POT1: variants seen among roughly 807,000 people sequenced by gnomAD.
The protein encoded by POT1 is protection of telomeres protein 1.
Under a neutral mutation model 78.5 loss-of-function variants are expected in POT1, and 47 were observed. That is an observed-to-expected ratio of 0.60 (90% CI 0.47 to 0.76). The LOEUF is 0.76. Among genes scored for constraint, POT1 ranks in the 30% least tolerant of loss-of-function variants. POT1 has a pLI of 0.00. For synonymous variants in POT1, 259 were observed against 260.7 expected (o/e 0.99, Z 0.06); for missense variants, 646 against 749.9 (o/e 0.86, Z 1.62).
At position 124,824,053 on chromosome 7, in the gene POT1, C is replaced by G. The variant is rs766020213; in HGVS notation, c.1814G>C (p.Cys605Ser). The change falls in exon 19 of 19, where the codon TGC becomes TCC. Residue 605 changes from cysteine (C) to serine (S), a missense_variant. Physicochemically the swap from Cys to Ser is moderately radical, Grantham distance 112. Coordinates refer to ENST00000357628, the MANE Select transcript of POT1 (RefSeq NM_015450.3). Reference sequence around the variant, plus strand: ...TGTGACATTGTATGACTTGATGAAGCATTCCAACCACGGATATGCATCTAC... The same window carrying G: ...TGTGACATTGTATGACTTGATGAAGGATTCCAACCACGGATATGCATCTAC... ...IKIDAYPWLE[C>S]FIKSYNVTNG... 1.2e-5 allele frequency: 19 copies of G among 1,604,476 alleles called. No homozygotes were observed. The East Asian group carries it at 4.3e-4, about 36-fold the overall frequency.
intron 8 of POT1, 21 bp from the exon 9 acceptor site, chr7:124,859,133 A>G (rs762774900): frequency 2.0e-6 from 3 of 1,489,272 alleles, no homozygotes; most frequent in Non-Finnish European, 1.8e-6. Flanking sequence ...AGAGTAGAGT[A>G]GTTTTATGAT....
intron 6 of POT1, among the ~76,000 whole-genome samples, chr7:124,873,371 T>A (rs1442498134): frequency 6.6e-6 from 1 of 152,178 alleles, no homozygotes; most frequent in African/African-American, 2.4e-5. Flanking sequence ...AATGATCATA[T>A]AATTTTTGTG....
chr7:124,824,002 T>G lies in POT1; in HGVS notation c.1865A>C (p.Tyr622Ser), dbSNP rs760062934. The G allele has an allele frequency of 1.2e-6, 2 of 1,606,414 alleles. No individual in the cohort carries two copies. The highest frequency in any genetic ancestry group is 1.3e-5 in the African/African-American group (1 of 74,796). ...VTNGTDNQIC[Y>S]QIFDTTVAED... is the part of the protein sequence containing the mutation. ...TGCAACTGTGGTGTCAAAAATCTGA[T>G]AGCAAATTTGATTATCTGTTCCATT... is the stretch of plus-strand genomic sequence containing the variant. Residue 622 changes from tyrosine (Y) to serine (S), a missense_variant, in exon 19 of 19, where the codon TAT becomes TCT. Physicochemically the swap from Tyr to Ser is moderately radical, Grantham distance 144. Transcript: ENST00000357628.
intron 14 of POT1, among the ~76,000 whole-genome samples, chr7:124,839,345 CAT>C (rs1395382434): frequency 1.3e-5 from 2 of 152,134 alleles, no homozygotes; most frequent in Non-Finnish European, 1.5e-5. Flanking sequence ...TTTGTCAAAA[CAT>C]AAAGAACTGT....
At chr7:124,831,067 ACTAGACAT>A (rs1167100510) in intron 15 of POT1, among the ~76,000 whole-genome samples, 2 of 152,160 alleles carry the variant, frequency 1.3e-5, no homozygotes, top group Non-Finnish European at 2.9e-5. Context: ...GCTTAAACAC[ACTAGACAT>A]CTAGGAAATA....
chr7:124,854,363 G>A (rs1795390968), intron 9 of POT1, among the ~76,000 whole-genome samples: 1 of 151,650 alleles, frequency 6.6e-6, no homozygotes, highest in South Asian at 2.1e-4. Flanking sequence ...CTCGCATACT[G>A]GCACTCAAAA....
At chr7:124,886,464 C>G (rs976331639) in intron 6 of POT1, among the ~76,000 whole-genome samples, 1 of 152,082 alleles carries the variant, frequency 6.6e-6, no homozygotes, top group African/African-American at 2.4e-5. Context: ...TGCTATTTCT[C>G]TAATATAACT....
At chr7:124,905,527 A>T (rs1796743429) in intron 3 of POT1, among the ~76,000 whole-genome samples, 1 of 152,078 alleles carries the variant, frequency 6.6e-6, no homozygotes, top group Admixed American at 6.5e-5. Flanking sequence ...CCATAAAAAA[A>T]AAACCCTAGA....
At chr7:124,898,455 T>C (rs929663742) in intron 3 of POT1, 81 bp from the exon 4 acceptor site, 2 of 152,010 alleles carry the variant, frequency 1.3e-5, no homozygotes, top group African/African-American at 4.8e-5. Flanking sequence ...TTATTTATAT[T>C]ATTATGTTTA....
At chr7:124,848,637 TG>T in intron 11 of POT1, 1 of 184,814 alleles carries the variant, frequency 5.4e-6, no homozygotes, top group Non-Finnish European at 1.1e-5. Context: ...AACTCCAGCC[TG>T]GAGGACGAAG....
Position 124,822,515 on chromosome 7 carries a change from C to A in POT1, c.*1447G>T. The A allele has an allele frequency of 2.2e-6, 1 of 454,500 alleles. No individual in the cohort carries two copies. The highest frequency in any genetic ancestry group is 4.4e-6 in the Non-Finnish European group (1 of 225,542). The allele number at this position is 454,500 out of a possible 1,614,324, so 28.2% of individuals were successfully genotyped here. On this transcript the variant is annotated 3_prime_UTR_variant, in exon 19 of 19. Coordinates refer to ENST00000357628, the MANE Select transcript of POT1 (RefSeq NM_015450.3). ...GCAGGCTCACAGTGTGAACATATGG[C>A]ACCTTTGGACCTCTACTCTTCTAGA...
intron 2 of POT1, among the ~76,000 whole-genome samples, chr7:124,916,502 C>G (rs1797018056): frequency 6.6e-6 from 1 of 151,928 alleles, no homozygotes; most frequent in Non-Finnish European, 1.5e-5. Flanking sequence ...AAGCAGAAAT[C>G]TGAGGAAAGC....
chr7:124,903,332 C>T (rs1796672887), intron 3 of POT1, among the ~76,000 whole-genome samples: 1 of 152,154 alleles, frequency 6.6e-6, no homozygotes, highest in Admixed American at 6.5e-5. Context: ...TCTTTCAGAC[C>T]ACAGTGTAAT....
chr7:124,925,201 T>C (rs1022560558), intron 2 of POT1, among the ~76,000 whole-genome samples: 1 of 152,078 alleles, frequency 6.6e-6, no homozygotes, highest in African/African-American at 2.4e-5. Context: ...TATGATCTTG[T>C]ATACAGAAAG....
At chr7:124,894,535 G>A (rs1189674468) in intron 5 of POT1, among the ~76,000 whole-genome samples, 3 of 151,544 alleles carry the variant, frequency 2.0e-5, no homozygotes, top group Non-Finnish European at 4.4e-5. Context: ...CAACAGCTAA[G>A]ATATAAACCT....
At position 124,892,497 on chromosome 7, in the gene POT1, A is replaced by G. The variant is rs111260628; in HGVS notation, c.10-117T>C. On this transcript the variant is annotated intron_variant, in intron 5 of 18. Transcript: ENST00000357628. ...TATTTTATCCTTTTAAGTGTCTAAA[A>G]GAAGTTATAACCTGAAATAAGGCAA... The G allele has an allele frequency of 1.6e-3, 801 of 515,186 alleles. 8 individuals are homozygous for G. The highest frequency in any genetic ancestry group is 0.014 in the African/African-American group (695 of 50,006). The allele number at this position is 515,186 out of a possible 1,614,324, so 31.9% of individuals were successfully genotyped here. A position where few individuals can be genotyped will look rare whatever the true frequency, so the allele number is the denominator to read the frequency against.
intron 15 of POT1, 47 bp downstream of exon 15, chr7:124,835,232 A>G: frequency 6.3e-7 from 1 of 1,575,174 alleles, no homozygotes. Flanking sequence ...CCCAGAACTT[A>G]AAAGTATAAT....
At chr7:124,902,065 G>A (rs988840963) in intron 3 of POT1, among the ~76,000 whole-genome samples, 1 of 152,166 alleles carries the variant, frequency 6.6e-6, no homozygotes, top group African/African-American at 2.4e-5. Context: ...GTACCTAAAA[G>A]TGATGGGGAG....
At chr7:124,824,107 C>T (rs1794574136) in intron 18 of POT1, 33 bp from the exon 19 acceptor site, 1 of 1,352,434 alleles carries the variant, frequency 7.4e-7, no homozygotes, top group Non-Finnish European at 1.0e-6. Flanking sequence ...AGCGATTTAA[C>T]CATTAAAACA....
Sources: gnomAD v4.1 joint callset for allele counts (sites outside exome capture counted in the v4.1 genomes callset) on GRCh38, gnomAD v4.1.1 for gene constraint, MANE v1.5 for transcripts, NCBI Gene and HGNC (gene_info 2026-07-23, HGNC 2026-07-21) for gene names.